The following CACNA2D3 variants were observed in gnomAD, a reference collection of about 807,000 sequenced individuals.
CACNA2D3 encodes the protein calcium voltage-gated channel auxiliary subunit alpha2delta 3.
Under a neutral mutation model 160.6 loss-of-function variants are expected in CACNA2D3, and 60 were observed. The ratio of observed to expected loss-of-function variants is 0.37; its 90% CI spans 0.30 to 0.46. The LOEUF (loss-of-function observed/expected upper bound fraction) is 0.46, where lower values mean the gene tolerates loss of function less well. Among genes scored for constraint, CACNA2D3 ranks in the 20% least tolerant of loss-of-function variants. The probability of loss-of-function intolerance (pLI) is 1.00; values close to 1 mark genes in which losing one functional copy is unlikely to be tolerated. For missense variants in CACNA2D3, 1,205 were observed against 1,365.0 expected (o/e 0.88, Z 1.85); for synonymous variants, 558 against 492.9 (o/e 1.13, Z -1.75).
At chr3:54,745,293 G>A (rs1320984345) in intron 11 of CACNA2D3, among the ~76,000 whole-genome samples, 4 of 152,208 alleles carry the variant, frequency 2.6e-5, no homozygotes. Flanking sequence ...GGGCTGCCCC[G>A]AGTTGTCTGA....
At chr3:54,485,220 T>A (rs1700997498) in intron 4 of CACNA2D3, among the ~76,000 whole-genome samples, 1 of 152,218 alleles carries the variant, frequency 6.6e-6, no homozygotes, top group Non-Finnish European at 1.5e-5. Flanking sequence ...TGCCGTAGAA[T>A]CAGGGGTTAT....
intron 17 of CACNA2D3, among the ~76,000 whole-genome samples, chr3:54,849,446 A>G (rs1699008887): frequency 6.6e-6 from 1 of 152,150 alleles, no homozygotes. Flanking sequence ...GAATAAGTGA[A>G]GGGATCCTCT....
At chr3:54,702,472 A>G (rs1700785772) in intron 11 of CACNA2D3, among the ~76,000 whole-genome samples, 2 of 152,218 alleles carry the variant, frequency 1.3e-5, no homozygotes, top group South Asian at 2.1e-4. Context: ...AGACATGTGC[A>G]TGGCCAACAA....
Position 54,363,279 on chromosome 3 carries a change from A to G in CACNA2D3, c.322-23436A>G, listed in dbSNP as rs146161499. On this transcript the variant is annotated intron_variant, in intron 3 of 37. Coordinates refer to ENST00000474759, the MANE Select transcript of CACNA2D3 (RefSeq NM_018398.3). ...TACTACAGAGTATTGGAAAACACAC[A>G]TACACGATCGGACAAAACAAAACAA... 6.5e-3 allele frequency among the ~76,000 whole-genome samples: 992 copies of G among 152,264 alleles called. 12 individuals are homozygous for G. The highest frequency in any genetic ancestry group is 0.023 in the African/African-American group (947 of 41,542).
chr3:54,844,373 C>G (rs1334637910), intron 16 of CACNA2D3, among the ~76,000 whole-genome samples: 1 of 152,088 alleles, frequency 6.6e-6, no homozygotes, highest in South Asian at 2.1e-4. Flanking sequence ...TGGGTTGAGG[C>G]ATAAAGGGGC....
intron 27 of CACNA2D3, among the ~76,000 whole-genome samples, chr3:54,908,694 G>A (rs965340861): frequency 2.6e-5 from 4 of 152,204 alleles, no homozygotes; most frequent in African/African-American, 4.8e-5. Context: ...TCCAGCCTGG[G>A]TGACAGAGTG....
chr3:54,286,502 T>C (rs1703030359), intron 2 of CACNA2D3, among the ~76,000 whole-genome samples: 1 of 152,166 alleles, frequency 6.6e-6, no homozygotes, highest in Non-Finnish European at 1.5e-5. Flanking sequence ...TGGAAAACAC[T>C]CTGCAGGATA....
intron 3 of CACNA2D3, among the ~76,000 whole-genome samples, chr3:54,377,218 T>C (rs1386245654): frequency 1.3e-5 from 2 of 152,236 alleles, no homozygotes; most frequent in Non-Finnish European, 2.9e-5. Flanking sequence ...TCATTCCGTT[T>C]TCAGCCTCAC....
intron 11 of CACNA2D3, among the ~76,000 whole-genome samples, chr3:54,680,442 A>G (rs897268774): frequency 8.5e-5 from 13 of 152,218 alleles, no homozygotes; most frequent in African/African-American, 3.1e-4. Context: ...AGATAGTAAA[A>G]ATGTGCTTAA....
At chr3:54,930,995 C>T (rs1206653711) in intron 27 of CACNA2D3, among the ~76,000 whole-genome samples, 1 of 151,296 alleles carries the variant, frequency 6.6e-6, no homozygotes, top group Non-Finnish European at 1.5e-5. Context: ...ACTCAGGAGG[C>T]TGAGGCAGGA....
chr3:54,814,677 T>TG (rs1178580001), intron 13 of CACNA2D3, among the ~76,000 whole-genome samples: 1 of 152,216 alleles, frequency 6.6e-6, no homozygotes, highest in Non-Finnish European at 1.5e-5. Flanking sequence ...ATATGTTTTG[T>TG]GGGGAGGATG....
intron 14 of CACNA2D3, among the ~76,000 whole-genome samples, chr3:54,822,798 T>TCCTTC (rs1408186391): frequency 6.6e-4 from 54 of 81,904 alleles, no homozygotes; most frequent in Admixed American, 1.2e-3. Flanking sequence ...TTCCTTTCTT[T>TCCTTC]CTTTCTTTCT....
intron 11 of CACNA2D3, among the ~76,000 whole-genome samples, chr3:54,683,919 C>A (rs947926738): frequency 1.3e-5 from 2 of 151,018 alleles, no homozygotes; most frequent in Non-Finnish European, 2.9e-5. Context: ...CCCCTTCTTT[C>A]ACGTGGCCAT....
chr3:54,485,102 C>T (rs570975346), intron 4 of CACNA2D3, among the ~76,000 whole-genome samples: 4 of 152,132 alleles, frequency 2.6e-5, no homozygotes, highest in Admixed American at 1.3e-4. Context: ...GCCTCGGCCT[C>T]CCAAAGTGCT....
At chr3:54,488,394 G>A (rs763599301) in intron 4 of CACNA2D3, among the ~76,000 whole-genome samples, 5 of 152,154 alleles carry the variant, frequency 3.3e-5, no homozygotes, top group Non-Finnish European at 4.4e-5. Context: ...ATCTTCTTAT[G>A]AGGGCTTTTT....
rs181954848 is a variant in CACNA2D3, at chr3:54,685,607, A to G, written c.1167+43366A>G. 9.1e-4 allele frequency among the ~76,000 whole-genome samples: 139 copies of G among 152,362 alleles called. 1 individual carries two copies. Among genetic ancestry groups the G allele is most frequent in the African/African-American group, 3.0e-3 (124 of 41,584 alleles). On this transcript the variant is annotated intron_variant, in intron 11 of 37. Coordinates refer to ENST00000474759, the MANE Select transcript of CACNA2D3 (RefSeq NM_018398.3). ...TCAAATCCTGCTGTTGCTCTTGACT[A>G]GCAATGTAATCTTAACCTCCGTTGT...
intron 27 of CACNA2D3, among the ~76,000 whole-genome samples, chr3:54,942,732 A>T (rs77479252): frequency 1.3e-5 from 2 of 151,898 alleles, no homozygotes; most frequent in East Asian, 1.9e-4. Context: ...CTAAAAAAAT[A>T]AAAAAAATTA....
rs144969557 is a variant in CACNA2D3 at position 54,595,202 on chromosome 3, A to G, written c.963+13325A>G. 1.3e-3 allele frequency among the ~76,000 whole-genome samples: 203 copies of G among 152,210 alleles called. 1 individual carries two copies. The highest frequency in any genetic ancestry group is 4.4e-3 in the African/African-American group (182 of 41,524). On this transcript the variant is annotated intron_variant, in intron 9 of 37. Coordinates refer to ENST00000474759, the MANE Select transcript of CACNA2D3 (RefSeq NM_018398.3). ...GAAGTGTAAAGTGAAGACTAATACA[A>G]TAGTTAGTTTGTCATTTATTTCTAT...
chr3:54,695,797 G>A (rs967752908), intron 11 of CACNA2D3, among the ~76,000 whole-genome samples: 1 of 152,134 alleles, frequency 6.6e-6, no homozygotes, highest in Non-Finnish European at 1.5e-5. Context: ...TTTGCAAGAA[G>A]TCTTTTCATA....
Sources: allele counts gnomAD v4.1 joint callset (sites outside exome capture counted in the v4.1 genomes callset), GRCh38; gene constraint gnomAD v4.1.1; transcripts MANE v1.5; gene names NCBI Gene and HGNC (gene_info 2026-07-23, HGNC 2026-07-21).